Variants in C11orf65 observed in about 807,000 individuals in gnomAD.
C11orf65 encodes protein MFI.
C11orf65 carries 38 observed loss-of-function variants against 35.3 expected under a neutral mutation model. That is an observed-to-expected ratio of 1.08 (90% CI 0.83 to 1.41). C11orf65 has a LOEUF of 1.41. Among genes scored for constraint, C11orf65 ranks in the 40% most tolerant of loss-of-function variants. The pLI is 0.00. For missense variants in C11orf65, 370 were observed against 367.1 expected, an observed-to-expected ratio of 1.01 and a Z score of -0.06; for synonymous variants, 105 against 114.4, an observed-to-expected ratio of 0.92 and a Z score of 0.53.
chr11:108,338,153 A>C (rs1447866163), intron 2 of C11orf65, among the ~76,000 whole-genome samples: 1 of 152,214 alleles, frequency 6.6e-6, no homozygotes, highest in Non-Finnish European at 1.5e-5. Flanking sequence ...GTTTGAGACC[A>C]GCCTGGCCAA....
chr11:108,425,668 A>G (rs1235138212), intron 3 of C11orf65, among the ~76,000 whole-genome samples: 1 of 152,258 alleles, frequency 6.6e-6, no homozygotes, highest in Non-Finnish European at 1.5e-5. Flanking sequence ...TCATCCTGAT[A>G]CCAAACCCTG....
intron 2 of C11orf65, among the ~76,000 whole-genome samples, chr11:108,450,166 C>T (rs916393803): frequency 3.8e-4 from 58 of 151,956 alleles, no homozygotes; most frequent in Middle Eastern, 3.2e-3. Flanking sequence ...GAAACAGGAA[C>T]ACTTTTACAC....
chr11:108,389,199 A>G (rs775010278), intron 7 of C11orf65, among the ~76,000 whole-genome samples: 1 of 152,246 alleles, frequency 6.6e-6, no homozygotes, highest in Non-Finnish European at 1.5e-5. Context: ...AATTTTCATC[A>G]AACAAGGTGT....
At chr11:108,402,853 GATTT>G (rs1011178965) in intron 6 of C11orf65, among the ~76,000 whole-genome samples, 24 of 152,080 alleles carry the variant, frequency 1.6e-4, no homozygotes, top group Admixed American at 1.2e-3. Flanking sequence ...TTTTTTGATA[GATTT>G]ATTTCATTCG....
intron 2 of C11orf65, among the ~76,000 whole-genome samples, chr11:108,337,346 CTAAT>C (rs1338846227): frequency 1.3e-5 from 2 of 152,142 alleles, no homozygotes; most frequent in African/African-American, 2.4e-5. Context: ...GTTTAAAAAG[CTAAT>C]TAATCCTCGA....
chr11:108,463,427 A>G (rs1352870528), intron 1 of C11orf65, among the ~76,000 whole-genome samples: 1 of 152,052 alleles, frequency 6.6e-6, no homozygotes, highest in Non-Finnish European at 1.5e-5. Flanking sequence ...CACATTTTTA[A>G]GAGTTGGGAG....
At chr11:108,436,039 A>T (rs1353981980) in intron 2 of C11orf65, among the ~76,000 whole-genome samples, 1 of 151,834 alleles carries the variant, frequency 6.6e-6, no homozygotes, top group Non-Finnish European at 1.5e-5. Flanking sequence ...TGGTGTGATG[A>T]GGGAAAGACT....
intron 2 of C11orf65, among the ~76,000 whole-genome samples, chr11:108,437,219 C>T (rs1204227083): frequency 2.0e-5 from 3 of 151,552 alleles, no homozygotes; most frequent in Non-Finnish European, 2.9e-5. Context: ...CTCAGGAATT[C>T]GAGGCTACAG....
rs879254240 is a variant in C11orf65, at chr11:108,343,283, G to T, written c.227-7991C>A. ...TGGTGCACAGGAACTGTCCCCATTGGTGAATTTCTTGTTAACAATGAAGAT... is the reference window on the plus strand; with the variant it reads ...TGGTGCACAGGAACTGTCCCCATTGTTGAATTTCTTGTTAACAATGAAGAT... On this transcript the variant is annotated intron_variant, in intron 2 of 3. Coordinates refer to the C11orf65 transcript ENST00000524755. 1 of 1,614,020 alleles carries T rather than the reference G, an allele frequency of 6.2e-7. No homozygotes were observed.
chr11:108,320,236 G>A (rs1336593892), intron 6 of C11orf65, among the ~76,000 whole-genome samples: 1 of 152,146 alleles, frequency 6.6e-6, no homozygotes, highest in Non-Finnish European at 1.5e-5. Context: ...AATTGTTTCT[G>A]GGATTCCAGG....
chr11:108,387,503 G>C (rs569072299), intron 7 of C11orf65, among the ~76,000 whole-genome samples: 5 of 152,116 alleles, frequency 3.3e-5, no homozygotes, highest in African/African-American at 1.2e-4. Flanking sequence ...TTTTGCAGTA[G>C]GAGGGTATAT....
At chr11:108,457,069 A>G (rs543649053) in intron 2 of C11orf65, among the ~76,000 whole-genome samples, 47 of 152,270 alleles carry the variant, frequency 3.1e-4, no homozygotes, top group African/African-American at 1.1e-3. Flanking sequence ...TGTTCTCATC[A>G]TATATAATGG....
intron 2 of C11orf65, chr11:108,335,391 C>A: frequency 1.2e-6 from 1 of 865,064 alleles, no homozygotes; most frequent in South Asian, 1.7e-5. Context: ...AAAAAAAATA[C>A]TTTGGTGTCT....
rs2092322881 is a variant in C11orf65 at position 108,396,876 on chromosome 11, A to AATAAATAC, written c.561-3499_561-3498insGTATTTAT. Reference sequence around the variant, plus strand: ...AAATAAATAAATAAATAAATAAATAAAATAAAATAGTTACTATTATAATTA... The same window carrying AATAAATAC: ...AAATAAATAAATAAATAAATAAATAAATAAATACAATAAAATAGTTACTATTATAATTA... On this transcript the variant is annotated intron_variant, in intron 6 of 8. Transcript: ENST00000393084. Among the ~76,000 whole-genome samples, 2 of 140,738 alleles carry AATAAATAC rather than the reference A, an allele frequency of 1.4e-5. 1 individual carries two copies. Among genetic ancestry groups the AATAAATAC allele is most frequent in the Admixed American group, 1.5e-4 (2 of 13,774 alleles). The allele number at this position is 140,738 out of a possible 152,430, so 92.3% of individuals were successfully genotyped here. A position where few individuals can be genotyped will look rare whatever the true frequency, so the allele number is the denominator to read the frequency against.
At chr11:108,372,098 A>G (rs1238242506) in intron 2 of C11orf65, among the ~76,000 whole-genome samples, 1 of 152,238 alleles carries the variant, frequency 6.6e-6, no homozygotes, top group Non-Finnish European at 1.5e-5. Context: ...GGTTACTTGA[A>G]AACTACCCAA....
intron 3 of C11orf65, among the ~76,000 whole-genome samples, chr11:108,429,638 T>C (rs1273263801): frequency 1.3e-5 from 2 of 152,206 alleles, no homozygotes; most frequent in Non-Finnish European, 2.9e-5. Flanking sequence ...ATTCCACTTC[T>C]GGATATATAC....
rs769056354 is a variant in C11orf65, at chr11:108,385,900, T to A, written c.787+20A>T. ...TTGTTCATGAGAATTTCCTATAAAGTACTGCTAAAAATCACCTACCTTTGA... is the reference window on the plus strand; with the variant it reads ...TTGTTCATGAGAATTTCCTATAAAGAACTGCTAAAAATCACCTACCTTTGA... On this transcript the variant is annotated intron_variant, in intron 8 of 8. Transcript: ENST00000393084. 3 of 1,607,002 alleles carry A rather than the reference T, an allele frequency of 1.9e-6. No individual in the cohort carries two copies. In the African/African-American group the frequency reaches 4.0e-5, roughly 21 times the overall value.
intron 7 of C11orf65, among the ~76,000 whole-genome samples, chr11:108,386,916 C>T (rs1375141732): frequency 6.6e-6 from 1 of 151,756 alleles, no homozygotes; most frequent in Non-Finnish European, 1.5e-5. Flanking sequence ...CCCATCTCTA[C>T]TAAAAATACA....
At chr11:108,345,146 G>A (rs2137005011) in intron 2 of C11orf65, among the ~76,000 whole-genome samples, 1 of 152,300 alleles carries the variant, frequency 6.6e-6, no homozygotes. Flanking sequence ...TGAAGTATTT[G>A]AATTTGGAAG....
Sources: gnomAD v4.1 joint callset for allele counts (sites outside exome capture counted in the v4.1 genomes callset) on GRCh38, gnomAD v4.1.1 for gene constraint, MANE v1.5 for transcripts, NCBI Gene and HGNC (gene_info 2026-07-23, HGNC 2026-07-21) for gene names.